SYTL5: variants seen among roughly 807,000 people sequenced by gnomAD.
SYTL5 encodes the protein synaptotagmin-like protein 5.
Under a neutral mutation model 55.9 loss-of-function variants are expected in SYTL5, and 34 were observed. The ratio of observed to expected loss-of-function variants is 0.61; its 90% CI spans 0.46 to 0.81. The LOEUF (loss-of-function observed/expected upper bound fraction) is 0.81. SYTL5 is among the 30% of genes least tolerant of loss of function. The pLI is 0.00. For synonymous variants in SYTL5, 221 were observed against 188.7 expected (o/e 1.17, Z -1.40); for missense variants, 637 against 546.7 (o/e 1.17, Z -1.65).
the SYTL5 span, among the ~76,000 whole-genome samples, chrX:37,902,560 C>A: frequency 1.8e-5 from 2 of 112,140 alleles, no homozygotes; most frequent in East Asian, 5.5e-4. Flanking sequence ...CCGAGTATGT[C>A]ATTTTATGTC....
the SYTL5 span, among the ~76,000 whole-genome samples, chrX:37,951,165 T>A: frequency 9.0e-6 from 1 of 111,512 alleles, no homozygotes; most frequent in Non-Finnish European, 1.9e-5. Context: ...TATTAAATTC[T>A]TACTAAATAT....
chrX:37,978,445 G>C, the SYTL5 span, among the ~76,000 whole-genome samples: 3 of 111,890 alleles, frequency 2.7e-5, no homozygotes, highest in Admixed American at 2.8e-4. Context: ...GAAATGAACC[G>C]CAGTAGTTCC....
the SYTL5 span, among the ~76,000 whole-genome samples, chrX:37,909,469 A>G: frequency 9.0e-6 from 1 of 110,670 alleles, no homozygotes; most frequent in Admixed American, 9.6e-5. Context: ...AAACATTATG[A>G]GATTTTTTTT....
chrX:38,043,248 A>G (rs191681030), intron 2 of SYTL5, among the ~76,000 whole-genome samples: 17 of 111,015 alleles, frequency 1.5e-4, no homozygotes, highest in African/African-American at 5.2e-4. Context: ...TATTTTCATT[A>G]TAGAATCAAT....
In SYTL5 at chrX:38,108,651, G is replaced by A. The variant is rs1464381388; in HGVS notation, c.1386G>A (p.Lys462=). Residue 462 remains lysine, a synonymous_variant, in exon 12 of 17, where the codon AAG becomes AAA. Coordinates refer to ENST00000297875, the MANE Select transcript of SYTL5 (RefSeq NM_138780.3). ...LPDKSRNNKR[K]TKIRTGTNPE... ...ACAAGTCCCGGAACAACAAGCGTAA[G>A]ACCAAAATCAGAACAGGCACCAATC... 1 of 1,204,486 alleles carries A rather than the reference G, an allele frequency of 8.3e-7. No individual in the cohort carries two copies. Among genetic ancestry groups the A allele is most frequent in the Non-Finnish European group, 1.1e-6 (1 of 891,194 alleles).
At chrX:37,890,828 A>T in the SYTL5 span, among the ~76,000 whole-genome samples, 7 of 111,913 alleles carry the variant, frequency 6.3e-5, no homozygotes, top group African/African-American at 2.3e-4. Context: ...GAAAATGCAA[A>T]TCAACGTAAC....
chrX:37,952,933 G>C, the SYTL5 span, among the ~76,000 whole-genome samples: 4 of 110,747 alleles, frequency 3.6e-5, no homozygotes, highest in Non-Finnish European at 7.6e-5. Context: ...GTCTGAGAGA[G>C]AGTGACAAAG....
chrX:37,962,363 T>C, the SYTL5 span, among the ~76,000 whole-genome samples: 1 of 111,383 alleles, frequency 9.0e-6, no homozygotes, highest in Admixed American at 9.5e-5. Context: ...CTGAGAATGA[T>C]GGTTTCCAAC....
At chrX:38,063,923 G>T (rs1376092202) in intron 3 of SYTL5, among the ~76,000 whole-genome samples, 1 of 111,322 alleles carries the variant, frequency 9.0e-6, no homozygotes, top group African/African-American at 3.3e-5. Context: ...TAAATCTGTG[G>T]ATCATGACCT....
chrX:38,020,100 T>C (rs1473266420), intron 1 of SYTL5, among the ~76,000 whole-genome samples: 1 of 111,199 alleles, frequency 9.0e-6, no homozygotes. Context: ...TTCAAAGCTA[T>C]ATGACACTCA....
the SYTL5 span, among the ~76,000 whole-genome samples, chrX:37,956,869 G>A: frequency 9.0e-6 from 1 of 111,560 alleles, no homozygotes; most frequent in Non-Finnish European, 1.9e-5. Flanking sequence ...CCTCCGTATT[G>A]TTTTTTATAG....
the SYTL5 span, among the ~76,000 whole-genome samples, chrX:37,946,966 T>C: frequency 9.0e-6 from 1 of 111,191 alleles, no homozygotes; most frequent in Non-Finnish European, 1.9e-5. Flanking sequence ...TATGTAGGAA[T>C]ACATGGATAA....
At chrX:37,894,990 TC>T in the SYTL5 span, among the ~76,000 whole-genome samples, 1 of 111,440 alleles carries the variant, frequency 9.0e-6, no homozygotes, top group Non-Finnish European at 1.9e-5. Flanking sequence ...AAAGGGCAGA[TC>T]ATGAGACTTC....
chrX:37,984,668 A>T, the SYTL5 span, among the ~76,000 whole-genome samples: 6 of 111,511 alleles, frequency 5.4e-5, no homozygotes, highest in African/African-American at 2.0e-4. Context: ...CCAAAGCCAG[A>T]TAAAGACATC....
the SYTL5 span, chrX:37,991,375 C>A: frequency 2.6e-6 from 2 of 777,212 alleles, no homozygotes; most frequent in Non-Finnish European, 3.6e-6. Context: ...GTAAGACATC[C>A]AGGGGAAGCT....
chrX:38,053,789 A>G (rs1443459681), intron 2 of SYTL5, among the ~76,000 whole-genome samples: 1 of 112,336 alleles, frequency 8.9e-6, no homozygotes, highest in Non-Finnish European at 1.9e-5. Context: ...TATGGTATCA[A>G]AGATATCCTA....
chrX:37,995,216 A>G, the SYTL5 span, among the ~76,000 whole-genome samples: 22 of 111,026 alleles, frequency 2.0e-4, no homozygotes, highest in South Asian at 7.8e-4. Context: ...GCTGGGGCCT[A>G]GGGTGGAGCT....
At chrX:38,057,759 G>A (rs1935833437) in intron 3 of SYTL5, among the ~76,000 whole-genome samples, 1 of 111,193 alleles carries the variant, frequency 9.0e-6, no homozygotes, top group Non-Finnish European at 1.9e-5. Flanking sequence ...GATCTGGGAG[G>A]ATGAACAGTG....
chrX:38,070,112 C>A (rs1936216647), intron 3 of SYTL5, among the ~76,000 whole-genome samples: 1 of 111,341 alleles, frequency 9.0e-6, no homozygotes, highest in South Asian at 3.8e-4. Flanking sequence ...TCACTTTTTG[C>A]CAGTAGTGGA....
Sources: gnomAD v4.1 joint callset for allele counts (sites outside exome capture counted in the v4.1 genomes callset) on GRCh38, gnomAD v4.1.1 for gene constraint, MANE v1.5 for transcripts, NCBI Gene and HGNC (gene_info 2026-07-23, HGNC 2026-07-21) for gene names.